The following TBC1D23 variants were observed in gnomAD, a reference collection of about 807,000 sequenced individuals.
The protein encoded by TBC1D23 is HCV non-structural protein 4A-transactivated protein 1.
In TBC1D23, 55 loss-of-function variants were observed where a neutral mutation model predicts 91.4. The ratio of observed to expected loss-of-function variants is 0.60; its 90% CI spans 0.48 to 0.75. The LOEUF (loss-of-function observed/expected upper bound fraction) is 0.75, where lower values mean the gene tolerates loss of function less well. Ranked by LOEUF, TBC1D23 falls within the 30% of genes least tolerant of loss-of-function variation. The pLI is 0.00. For synonymous variants in TBC1D23, 289 were observed against 281.0 expected, an observed-to-expected ratio of 1.03 and a Z score of -0.28; for missense variants, 725 against 836.1, an observed-to-expected ratio of 0.87 and a Z score of 1.64.
intron 18 of TBC1D23, among the ~76,000 whole-genome samples, chr3:100,322,104 ATTAAT>A (rs974049205): frequency 2.6e-4 from 36 of 141,018 alleles, no homozygotes; most frequent in Admixed American, 6.6e-4. Context: ...AAATTAATTA[ATTAAT>A]TTTTTTGAGA....
Position 100,319,430 on chromosome 3 carries a change from C to CT in TBC1D23, c.1823+235dup, listed in dbSNP as rs11383888. On this transcript the variant is annotated intron_variant, in intron 17 of 18. Coordinates refer to ENST00000394144, the MANE Select transcript of TBC1D23 (RefSeq NM_001199198.3). ...TAGTACATTGAACACCCTTATGATT[C>CT]TTTTTTTTTCTTTTTGAGACGGAGT... 0.23 allele frequency among the ~76,000 whole-genome samples: 34,474 copies of CT among 151,046 alleles called. 4,474 individuals are homozygous for CT. Among genetic ancestry groups the CT allele is most frequent in the East Asian group, 0.49 (2,539 of 5,140 alleles).
chr3:100,291,437 T>G (rs145535596), intron 5 of TBC1D23, among the ~76,000 whole-genome samples: 2 of 151,906 alleles, frequency 1.3e-5, no homozygotes, highest in African/African-American at 4.8e-5. Flanking sequence ...CAAAAATTAG[T>G]CGGGTGTGGT....
chr3:100,268,472 A>G (rs2067574924), intron 1 of TBC1D23, among the ~76,000 whole-genome samples: 1 of 152,164 alleles, frequency 6.6e-6, no homozygotes, highest in African/African-American at 2.4e-5. Flanking sequence ...GAATTGTCCA[A>G]ATGTTGCAAA....
chr3:100,272,508 G>A (rs2067607816), intron 1 of TBC1D23, among the ~76,000 whole-genome samples: 1 of 152,132 alleles, frequency 6.6e-6, no homozygotes, highest in African/African-American at 2.4e-5. Context: ...GGGGTGGGTT[G>A]CCCCTCCACA....
rs540341740 is a variant in TBC1D23, at chr3:100,289,370, G to A, written c.477-1208G>A. On this transcript the variant is annotated intron_variant, in intron 4 of 18. Coordinates refer to ENST00000394144, the MANE Select transcript of TBC1D23 (RefSeq NM_001199198.3). ...CATGGACACAAGAAAATGAACTAAT[G>A]TGAACATAATAGTATCTAACAAATC... Among the ~76,000 whole-genome samples, 59 of 152,278 alleles carry A rather than the reference G, an allele frequency of 3.9e-4. 1 individual carries two copies. The South Asian group carries it at 0.012, about 32-fold the overall frequency.
chr3:100,322,673 C>G (rs1253821393), intron 18 of TBC1D23, among the ~76,000 whole-genome samples: 2 of 152,116 alleles, frequency 1.3e-5, no homozygotes, highest in African/African-American at 4.8e-5. Flanking sequence ...TGAATTATGA[C>G]TCTCTCATGT....
At chr3:100,320,995 T>C (rs576209509) in intron 18 of TBC1D23, 24 bp downstream of exon 18, 26 of 1,509,492 alleles carry the variant, frequency 1.7e-5, no homozygotes, top group Non-Finnish European at 2.2e-5. Flanking sequence ...TAAGATAATA[T>C]TATCTGAATT....
At chr3:100,284,564 A>G (rs2148856036) in intron 4 of TBC1D23, among the ~76,000 whole-genome samples, 1 of 152,270 alleles carries the variant, frequency 6.6e-6, no homozygotes, top group African/African-American at 2.4e-5. Context: ...ATGGGGATGT[A>G]TAATGGGGGC....
At position 100,319,430 on chromosome 3, in the gene TBC1D23, C is replaced by CTT. The variant is rs11383888; in HGVS notation, c.1823+234_1823+235dup. Among the ~76,000 whole-genome samples, 14 of 151,124 alleles carry CTT rather than the reference C, an allele frequency of 9.3e-5. No homozygotes were observed. The South Asian group carries it at 1.5e-3, about 16-fold the overall frequency. On this transcript the variant is annotated intron_variant, in intron 17 of 18. Transcript: ENST00000394144. ...TAGTACATTGAACACCCTTATGATT[C>CTT]TTTTTTTTTCTTTTTGAGACGGAGT...
At chr3:100,285,629 G>A (rs1014564712) in intron 4 of TBC1D23, among the ~76,000 whole-genome samples, 1 of 152,174 alleles carries the variant, frequency 6.6e-6, no homozygotes, top group Non-Finnish European at 1.5e-5. Context: ...TGGTAATTAT[G>A]TTTAACCTTT....
At chr3:100,308,801 ACTTC>A (rs151005615) in intron 13 of TBC1D23, among the ~76,000 whole-genome samples, 4,085 of 152,328 alleles carry the variant, frequency 0.027, 188 homozygotes, top group South Asian at 0.11. Context: ...ATTTCTGGGC[ACTTC>A]CTTCTCATTA....
At chr3:100,292,233 T>A (rs1486027982) in intron 5 of TBC1D23, among the ~76,000 whole-genome samples, 1 of 152,192 alleles carries the variant, frequency 6.6e-6, no homozygotes, top group Non-Finnish European at 1.5e-5. Context: ...TTCTACGAGG[T>A]CCCCAGACCA....
chr3:100,316,819 G>A (rs996238028), intron 16 of TBC1D23, among the ~76,000 whole-genome samples: 5 of 152,008 alleles, frequency 3.3e-5, no homozygotes, highest in Admixed American at 1.3e-4. Flanking sequence ...TAGGCCGGGC[G>A]CGGTGGTTCA....
At chr3:100,271,378 G>A (rs2067597927) in intron 1 of TBC1D23, among the ~76,000 whole-genome samples, 1 of 152,142 alleles carries the variant, frequency 6.6e-6, no homozygotes, top group South Asian at 2.1e-4. Flanking sequence ...GTTTCTAATG[G>A]CAATTTTTGA....
chr3:100,274,669 T>C (rs2148851663), intron 1 of TBC1D23, among the ~76,000 whole-genome samples: 1 of 151,466 alleles, frequency 6.6e-6, no homozygotes, highest in Admixed American at 6.6e-5. Flanking sequence ...GGGACGGATT[T>C]ATTTCACTTA....
intron 5 of TBC1D23, 145 bp downstream of exon 5, chr3:100,290,846 A>G: frequency 1.7e-6 from 1 of 602,002 alleles, no homozygotes; most frequent in Non-Finnish European, 2.6e-6. Flanking sequence ...AATTATTGGC[A>G]TTTCAAAATA....
Position 100,325,107 on chromosome 3 carries a change from C to G in TBC1D23, c.*1439C>G, listed in dbSNP as rs1216623832. 6.6e-6 allele frequency: 1 copy of G among 152,156 alleles called. No homozygotes were observed. The highest frequency in any genetic ancestry group is 1.5e-5 in the Non-Finnish European group (1 of 68,030). 9.4% of individuals were successfully genotyped at this position (152,156 alleles called of 1,614,324 possible). On this transcript the variant is annotated 3_prime_UTR_variant, in exon 19 of 19. Coordinates refer to ENST00000394144, the MANE Select transcript of TBC1D23 (RefSeq NM_001199198.3). ...CATTTTTTCCCTTTTCTTGGCACCC[C>G]TTTAGAAATGTACTGAAGTCTCATT...
intron 1 of TBC1D23, among the ~76,000 whole-genome samples, chr3:100,261,838 A>G (rs2067513538): frequency 6.6e-6 from 1 of 152,228 alleles, no homozygotes; most frequent in African/African-American, 2.4e-5. Context: ...ATCTCACGAT[A>G]CACTGTTAGG....
At chr3:100,308,425 A>G (rs1017897602) in intron 13 of TBC1D23, among the ~76,000 whole-genome samples, 1 of 152,094 alleles carries the variant, frequency 6.6e-6, no homozygotes, top group Non-Finnish European at 1.5e-5. Context: ...CAGTGAGCCC[A>G]CATCCCGCCA....
Sources: allele counts gnomAD v4.1 joint callset (sites outside exome capture counted in the v4.1 genomes callset), GRCh38; gene constraint gnomAD v4.1.1; transcripts MANE v1.5; gene names NCBI Gene and HGNC (gene_info 2026-07-23, HGNC 2026-07-21).